Variants in FAR2 observed in about 807,000 individuals in gnomAD.
FAR2 encodes fatty acyl-CoA reductase 2, also known as epididymis secretory protein Li 81.
FAR2 carries 19 observed loss-of-function variants against 56.0 expected under a neutral mutation model. The ratio of observed to expected loss-of-function variants is 0.34; its 90% CI spans 0.24 to 0.50. FAR2 has a LOEUF of 0.50. Ranked by LOEUF, FAR2 falls within the 20% of genes least tolerant of loss-of-function variation. The probability of loss-of-function intolerance (pLI) is 0.98; values close to 1 mark genes in which losing one functional copy is unlikely to be tolerated. For synonymous variants in FAR2, 219 were observed against 218.8 expected (o/e 1.00, Z -0.01); for missense variants, 508 against 642.2 (o/e 0.79, Z 2.26).
intron 2 of FAR2, among the ~76,000 whole-genome samples, chr12:29,283,031 C>T (rs1388436126): frequency 6.6e-6 from 1 of 151,960 alleles, no homozygotes; most frequent in Non-Finnish European, 1.5e-5. Flanking sequence ...AAGACAACAG[C>T]CAGAGACACC....
At chr12:29,163,608 A>C (rs1037441495) in intron 1 of FAR2, among the ~76,000 whole-genome samples, 2 of 152,230 alleles carry the variant, frequency 1.3e-5, no homozygotes, top group African/African-American at 2.4e-5. Flanking sequence ...GACTTAATAA[A>C]TATGATTTGA....
chr12:29,287,181 T>C (rs1948891494), intron 2 of FAR2, among the ~76,000 whole-genome samples: 1 of 152,154 alleles, frequency 6.6e-6, no homozygotes, highest in African/African-American at 2.4e-5. Context: ...AACTGTTGAA[T>C]GAGAATCTTC....
At chr12:29,175,601 A>T (rs1186985252) in intron 1 of FAR2, among the ~76,000 whole-genome samples, 1 of 152,112 alleles carries the variant, frequency 6.6e-6, no homozygotes, top group East Asian at 1.9e-4. Flanking sequence ...CTGCTGATTG[A>T]TCCATTTTAC....
intron 1 of FAR2, among the ~76,000 whole-genome samples, chr12:29,210,738 G>C (rs1243204776): frequency 6.6e-6 from 1 of 152,170 alleles, no homozygotes; most frequent in Non-Finnish European, 1.5e-5. Flanking sequence ...CAGATCATGA[G>C]GTCAGAAGTT....
chr12:29,304,209 C>T (rs1949220783), intron 4 of FAR2, among the ~76,000 whole-genome samples: 1 of 152,218 alleles, frequency 6.6e-6, no homozygotes, highest in Non-Finnish European at 1.5e-5. Flanking sequence ...AGTTCATCCA[C>T]TTTCTCTCAT....
At chr12:29,272,251 G>A (rs112597700) in intron 2 of FAR2, among the ~76,000 whole-genome samples, 5,414 of 152,184 alleles carry the variant, frequency 0.036, 316 homozygotes, top group African/African-American at 0.12. Context: ...CATTCTCCCC[G>A]TCTCCTTCTG....
chr12:29,243,214 C>T (rs1948067368), intron 1 of FAR2, among the ~76,000 whole-genome samples: 1 of 152,056 alleles, frequency 6.6e-6, no homozygotes, highest in South Asian at 2.1e-4. Context: ...GGAAGTGGGG[C>T]CAAAATTAGG....
intron 1 of FAR2, chr12:29,151,488 C>T (rs1323923796): frequency 1.3e-5 from 2 of 152,016 alleles, no homozygotes; most frequent in Admixed American, 6.6e-5. Flanking sequence ...AAAACTGCAA[C>T]CGCACAGGGC....
At chr12:29,206,676 T>C (rs1947480425) in intron 1 of FAR2, among the ~76,000 whole-genome samples, 1 of 152,200 alleles carries the variant, frequency 6.6e-6, no homozygotes. Context: ...AGGGAAAGAA[T>C]AGGCTAAGTG....
chr12:29,273,806 A>C (rs1948659787), intron 2 of FAR2, among the ~76,000 whole-genome samples: 1 of 152,188 alleles, frequency 6.6e-6, no homozygotes. Flanking sequence ...CTTCTGACCC[A>C]TAGGTTGCAC....
chr12:29,297,660 C>G (rs918110884), intron 4 of FAR2, among the ~76,000 whole-genome samples: 2 of 152,102 alleles, frequency 1.3e-5, no homozygotes, highest in African/African-American at 4.8e-5. Flanking sequence ...AAAATGGGCC[C>G]ATTTTATAGT....
chr12:29,287,297 T>C (rs1174315261), intron 2 of FAR2, among the ~76,000 whole-genome samples: 2 of 152,224 alleles, frequency 1.3e-5, no homozygotes, highest in African/African-American at 4.8e-5. Flanking sequence ...TATGGAGTTA[T>C]AGAAACGGTC....
At chr12:29,261,060 T>C (rs1488710730) in intron 1 of FAR2, among the ~76,000 whole-genome samples, 1 of 152,168 alleles carries the variant, frequency 6.6e-6, no homozygotes, top group Admixed American at 6.5e-5. Context: ...ACTGCAACTA[T>C]TACAATAAAT....
intron 1 of FAR2, among the ~76,000 whole-genome samples, chr12:29,226,425 C>A (rs1024259006): frequency 2.0e-5 from 3 of 152,040 alleles, no homozygotes; most frequent in African/African-American, 7.2e-5. Flanking sequence ...CTCACAAAGC[C>A]CTGGGACAAG....
chr12:29,177,736 G>T (rs1275002621), intron 1 of FAR2, among the ~76,000 whole-genome samples: 1 of 152,032 alleles, frequency 6.6e-6, no homozygotes, highest in African/African-American at 2.4e-5. Context: ...GGCTCTAGAT[G>T]GTATTTTTAT....
At chr12:29,252,727 T>A (rs1251106906) in intron 1 of FAR2, among the ~76,000 whole-genome samples, 1 of 152,202 alleles carries the variant, frequency 6.6e-6, no homozygotes, top group Non-Finnish European at 1.5e-5. Context: ...GTATTTATGT[T>A]AGATGGAATT....
chr12:29,189,153 G>T (rs991960545), intron 1 of FAR2, among the ~76,000 whole-genome samples: 1 of 152,132 alleles, frequency 6.6e-6, no homozygotes, highest in African/African-American at 2.4e-5. Context: ...CCGGAAAGGG[G>T]AACAGCCACA....
intron 1 of FAR2, among the ~76,000 whole-genome samples, chr12:29,167,214 A>G (rs575180167): frequency 8.9e-4 from 135 of 152,054 alleles, no homozygotes; most frequent in Non-Finnish European, 1.7e-3. Flanking sequence ...TGTGTTTTCT[A>G]TTCTATCTGA....
At chr12:29,328,218 C>G (rs1949678828) in intron 10 of FAR2, among the ~76,000 whole-genome samples, 1 of 152,072 alleles carries the variant, frequency 6.6e-6, no homozygotes, top group Admixed American at 6.5e-5. Flanking sequence ...CCATCTCACA[C>G]CAGTTAGAAT....
Sources: allele counts gnomAD v4.1 joint callset (sites outside exome capture counted in the v4.1 genomes callset), GRCh38; gene constraint gnomAD v4.1.1; transcripts MANE v1.5; gene names NCBI Gene and HGNC (gene_info 2026-07-23, HGNC 2026-07-21).